The following MTUS1 variants were observed in gnomAD, a reference collection of about 807,000 sequenced individuals.
MTUS1 encodes the protein microtubule associated scaffold protein 1.
In MTUS1, 109 loss-of-function variants were observed where a neutral mutation model predicts 120.8. That is an observed-to-expected ratio of 0.90 (90% CI 0.77 to 1.06). MTUS1 has a LOEUF of 1.06. Ranked by LOEUF, MTUS1 falls within the 50% of genes least tolerant of loss-of-function variation. The pLI is 0.00. For missense variants in MTUS1, 2,210 were observed against 1,486.3 expected (o/e 1.49, Z -8.01); for synonymous variants, 737 against 550.5 (o/e 1.34, Z -4.74).
chr8:17,666,103 T>C (rs1810848678), intron 8 of MTUS1, among the ~76,000 whole-genome samples: 1 of 145,754 alleles, frequency 6.9e-6, no homozygotes, highest in Non-Finnish European at 1.5e-5. Context: ...TTTTTTTTTT[T>C]TTTTTTTTTT....
chr8:17,657,799 CAAA>C (rs1216051789), intron 8 of MTUS1, among the ~76,000 whole-genome samples: 104 of 91,248 alleles, frequency 1.1e-3, no homozygotes, highest in Middle Eastern at 7.5e-3. Context: ...GACCCTATCT[CAAA>C]AAAAAAAAAA....
chr8:17,704,383 T>C (rs1040107556), intron 6 of MTUS1, among the ~76,000 whole-genome samples: 3 of 152,198 alleles, frequency 2.0e-5, no homozygotes, highest in Admixed American at 1.3e-4. Context: ...CATGTTTTGT[T>C]TGAGGTGTTT....
chr8:17,792,442 G>C lies in MTUS1; in HGVS notation c.-155+8619C>G, dbSNP rs539405116. Among the ~76,000 whole-genome samples, 17 of 152,262 alleles carry C rather than the reference G, an allele frequency of 1.1e-4. No homozygotes were observed. In the Middle Eastern group the frequency reaches 0.01, roughly 91 times the overall value. The stretch of plus-strand genomic sequence containing the variant: ...TTATCTGCAATATAAAATGGTTTAG[G>C]TTTTCTCATAGAAACAGAAATGTAG... On this transcript the variant is annotated intron_variant, in intron 1 of 14. Coordinates refer to ENST00000693296, the MANE Select transcript of MTUS1 (RefSeq NM_001363059.2).
intron 8 of MTUS1, among the ~76,000 whole-genome samples, chr8:17,663,797 C>T (rs186459483): frequency 3.9e-5 from 6 of 152,216 alleles, no homozygotes; most frequent in East Asian, 1.9e-4. Context: ...GGTTTCACTA[C>T]GTTGGCCAGG....
chr8:17,707,256 G>C (rs1257654614), intron 6 of MTUS1, among the ~76,000 whole-genome samples: 1 of 152,114 alleles, frequency 6.6e-6, no homozygotes, highest in Non-Finnish European at 1.5e-5. Flanking sequence ...TATTATCAAA[G>C]AGGTTCAATG....
At chr8:17,655,440 ACATTCCTTTGGT>A (rs1807994059) in intron 9 of MTUS1, among the ~76,000 whole-genome samples, 1 of 152,172 alleles carries the variant, frequency 6.6e-6, no homozygotes, top group Non-Finnish European at 1.5e-5. Context: ...TTAACATAAT[ACATTCCTTTGGT>A]CATAAGAAAA....
chr8:17,732,742 C>A (rs1467912934), intron 3 of MTUS1, among the ~76,000 whole-genome samples: 2 of 152,138 alleles, frequency 1.3e-5, no homozygotes, highest in African/African-American at 4.8e-5. Context: ...CTGCACCATT[C>A]TTCCATTGCT....
intron 8 of MTUS1, among the ~76,000 whole-genome samples, chr8:17,671,730 G>A (rs1812062702): frequency 6.6e-6 from 1 of 152,148 alleles, no homozygotes; most frequent in Admixed American, 6.5e-5. Flanking sequence ...AGTAGTTTGG[G>A]TACCTTGTCT....
At chr8:17,658,506 T>C (rs1027963978) in intron 8 of MTUS1, among the ~76,000 whole-genome samples, 4 of 152,178 alleles carry the variant, frequency 2.6e-5, no homozygotes, top group African/African-American at 9.7e-5. Context: ...CAGTCTTCTG[T>C]CACCGATGTG....
At position 17,653,200 on chromosome 8, in the gene MTUS1, C is replaced by T. The variant is rs1240697082; in HGVS notation, c.3370G>A (p.Glu1124Lys). 6.5e-7 allele frequency: 1 copy of T among 1,544,894 alleles called. No individual in the cohort carries two copies. Among genetic ancestry groups the T allele is most frequent in the African/African-American group, 1.4e-5 (1 of 72,122 alleles). Reference sequence around the variant, plus strand: ...ACACAACTTACCAAATTTGCTTTTTCTCTTGCTCTTCTTTTTTGTTCTTCT... The same window carrying T: ...ACACAACTTACCAAATTTGCTTTTTTTCTTGCTCTTCTTTTTTGTTCTTCT... ...KSEEQKRRAR[E>K]KANLKNPQIM... Residue 1124 changes from glutamate (E) to lysine (K), a missense_variant, in exon 12 of 15, where the codon GAA becomes AAA. Transcript: ENST00000693296.
At chr8:17,740,759 A>G (rs539259905) in intron 3 of MTUS1, among the ~76,000 whole-genome samples, 1 of 152,350 alleles carries the variant, frequency 6.6e-6, no homozygotes, top group African/African-American at 2.4e-5. Flanking sequence ...GGAATGTCCA[A>G]GATAGAGGTG....
chr8:17,682,949 A>C (rs1585661315), intron 7 of MTUS1, among the ~76,000 whole-genome samples: 1 of 150,848 alleles, frequency 6.6e-6, no homozygotes, highest in East Asian at 2.0e-4. Context: ...AAAACAAAAA[A>C]ATCTGGAGAA....
chr8:17,749,580 G>A (rs1012358983), intron 2 of MTUS1, among the ~76,000 whole-genome samples: 10 of 148,464 alleles, frequency 6.7e-5, no homozygotes, highest in Admixed American at 2.1e-4. Context: ...AGAATCACTT[G>A]AACCCGGGAG....
rs372284770 is a variant in MTUS1 at position 17,684,433 on chromosome 8, T to C, written c.2733A>G (p.Lys911=). The change falls in exon 7 of 15, where the codon AAA becomes AAG. Residue 911 remains lysine, a synonymous_variant. Coordinates refer to ENST00000693296, the MANE Select transcript of MTUS1 (RefSeq NM_001363059.2). ...KTLELTQYKT[K]CENQSGFILQ... is the part of the protein sequence containing the mutation. ...GGATAAATCCACTTTGGTTTTCACA[T>C]TTTGTTTTATATTGCGTCAATTCAA... 71 of 1,614,086 alleles carry C rather than the reference T, an allele frequency of 4.4e-5. No individual in the cohort carries two copies. Among genetic ancestry groups the C allele is most frequent in the Non-Finnish European group, 5.7e-5 (67 of 1,180,028 alleles).
intron 4 of MTUS1, chr8:17,721,571 T>C: frequency 8.8e-6 from 9 of 1,016,974 alleles, no homozygotes; most frequent in Non-Finnish European, 1.2e-5. Context: ...ATCTTAAATA[T>C]ACATACAAAA....
intron 1 of MTUS1, among the ~76,000 whole-genome samples, chr8:17,761,387 A>C (rs1445036416): frequency 6.6e-6 from 1 of 152,200 alleles, no homozygotes; most frequent in Non-Finnish European, 1.5e-5. Context: ...CATCATTACC[A>C]TATTAATGCT....
chr8:17,755,169 A>T lies in MTUS1; in HGVS notation c.639T>A (p.Ser213=), dbSNP rs2048510302. 6.2e-7 allele frequency: 1 copy of T among 1,614,086 alleles called. No homozygotes were observed. Among genetic ancestry groups the T allele is most frequent in the Non-Finnish European group, 8.5e-7 (1 of 1,180,044 alleles). ...TAGTTTCTCTTGCATGCGTCTTATCAGAATGGGAAGATGTCCAAGTGGAAT... is the reference window on the plus strand; with the variant it reads ...TAGTTTCTCTTGCATGCGTCTTATCTGAATGGGAAGATGTCCAAGTGGAAT... ...LSYSTWTSSH[S]DKTHARETTY... Residue 213 remains serine, a synonymous_variant, in exon 2 of 15, where the codon TCT becomes TCA. Coordinates refer to ENST00000693296, the MANE Select transcript of MTUS1 (RefSeq NM_001363059.2).
intron 1 of MTUS1, among the ~76,000 whole-genome samples, chr8:17,764,608 G>T (rs1328163805): frequency 2.6e-5 from 4 of 152,152 alleles, no homozygotes; most frequent in Admixed American, 2.6e-4. Context: ...TCTGAAAAAG[G>T]CCAATATAAA....
At chr8:17,661,448 C>T (rs10094030) in intron 8 of MTUS1, among the ~76,000 whole-genome samples, 17,284 of 152,128 alleles carry the variant, frequency 0.11, 1,404 homozygotes, top group East Asian at 0.24. Context: ...GAGACTGCCT[C>T]CAAGCCCTGG....
Sources: gnomAD v4.1 joint callset for allele counts (sites outside exome capture counted in the v4.1 genomes callset) on GRCh38, gnomAD v4.1.1 for gene constraint, MANE v1.5 for transcripts, NCBI Gene and HGNC (gene_info 2026-07-23, HGNC 2026-07-21) for gene names.